DACH2: variants seen among roughly 807,000 people sequenced by gnomAD.
DACH2 encodes the protein dachshund homolog 2.
Under a neutral mutation model 35.8 loss-of-function variants are expected in DACH2, and 17 were observed. The ratio of observed to expected loss-of-function variants is 0.48; its 90% CI spans 0.33 to 0.71. The LOEUF is 0.71. DACH2 is among the 30% of genes least tolerant of loss of function. The probability of loss-of-function intolerance (pLI) is 0.02; values close to 1 mark genes in which losing one functional copy is unlikely to be tolerated. For missense variants in DACH2, 469 were observed against 472.7 expected, an observed-to-expected ratio of 0.99 and a Z score of 0.07; for synonymous variants, 195 against 177.3, an observed-to-expected ratio of 1.10 and a Z score of -0.79.
At chrX:86,149,154 G>T in intron 1 of DACH2, 46 bp downstream of exon 1, 3 of 1,139,044 alleles carry the variant, frequency 2.6e-6, no homozygotes, top group Non-Finnish European at 3.5e-6. Flanking sequence ...TACCCCTTTG[G>T]CCTCTTCTGC....
intron 1 of DACH2, among the ~76,000 whole-genome samples, chrX:86,283,589 G>T (rs1208425295): frequency 9.0e-6 from 1 of 110,505 alleles, no homozygotes; most frequent in Non-Finnish European, 1.9e-5. Flanking sequence ...GGAGATGGAT[G>T]AAGCTGGAAA....
At chrX:86,740,527 C>T (rs1353950776) in intron 7 of DACH2, among the ~76,000 whole-genome samples, 2 of 81,171 alleles carry the variant, frequency 2.5e-5, no homozygotes, top group Admixed American at 1.5e-4. Context: ...CAACAGTCCC[C>T]GGAGTATGAT....
intron 3 of DACH2, among the ~76,000 whole-genome samples, chrX:86,646,869 T>G (rs2040421632): frequency 9.2e-6 from 1 of 108,785 alleles, no homozygotes; most frequent in Non-Finnish European, 1.9e-5. Flanking sequence ...GAGCTGAAAA[T>G]ATTTTTTTTC....
At chrX:86,266,603 A>G (rs2033717457) in intron 1 of DACH2, among the ~76,000 whole-genome samples, 2 of 111,769 alleles carry the variant, frequency 1.8e-5, no homozygotes, top group Admixed American at 1.9e-4. Context: ...AGGCAGCATA[A>G]TCTAATAGTT....
At chrX:86,450,050 C>A (rs1477359520) in intron 2 of DACH2, among the ~76,000 whole-genome samples, 1 of 111,002 alleles carries the variant, frequency 9.0e-6, no homozygotes, top group Non-Finnish European at 1.9e-5. Context: ...TAGTATCTAC[C>A]TTTTATGTCT....
intron 4 of DACH2, among the ~76,000 whole-genome samples, chrX:86,675,478 A>T (rs1385641160): frequency 1.8e-5 from 2 of 111,466 alleles, no homozygotes; most frequent in East Asian, 5.7e-4. Flanking sequence ...TGAACCCAGG[A>T]GTTCAAGACC....
intron 3 of DACH2, among the ~76,000 whole-genome samples, chrX:86,637,624 G>A (rs1377270075): frequency 6.3e-5 from 7 of 111,610 alleles, no homozygotes; most frequent in Admixed American, 9.6e-5. Context: ...TAATGCAGGA[G>A]CAGAAAAGCA....
At chrX:86,633,953 G>A (rs1347496692) in intron 3 of DACH2, among the ~76,000 whole-genome samples, 1 of 112,146 alleles carries the variant, frequency 8.9e-6, no homozygotes, top group African/African-American at 3.2e-5. Flanking sequence ...CTCAACAAAT[G>A]AGACTGGGTA....
chrX:86,650,886 C>T, intron 3 of DACH2, 150 bp from the exon 4 acceptor site: 1 of 439,064 alleles, frequency 2.3e-6, no homozygotes, highest in Non-Finnish European at 3.5e-6. Flanking sequence ...AGAAATGATC[C>T]CCATTTTACA....
chrX:86,729,490 T>C, intron 6 of DACH2, among the ~76,000 whole-genome samples: 1 of 111,805 alleles, frequency 8.9e-6, no homozygotes, highest in Non-Finnish European at 1.9e-5. Flanking sequence ...AAACCAAGAC[T>C]TTTGGGGACT....
At chrX:86,703,978 A>G (rs1166673976) in intron 5 of DACH2, among the ~76,000 whole-genome samples, 1 of 112,209 alleles carries the variant, frequency 8.9e-6, no homozygotes, top group Non-Finnish European at 1.9e-5. Flanking sequence ...GGAAGAAAAA[A>G]ATTGGCCTGA....
At chrX:86,435,378 T>C (rs1183863691) in intron 2 of DACH2, among the ~76,000 whole-genome samples, 1 of 112,187 alleles carries the variant, frequency 8.9e-6, no homozygotes, top group Non-Finnish European at 1.9e-5. Flanking sequence ...CAGCCGCTTA[T>C]ATTGAAAACC....
intron 3 of DACH2, among the ~76,000 whole-genome samples, chrX:86,619,947 GA>G (rs768444056): frequency 4.5e-5 from 5 of 111,822 alleles, no homozygotes; most frequent in African/African-American, 6.5e-5. Flanking sequence ...TTTTTCCTGG[GA>G]AAAAAATTAC....
chrX:86,177,864 C>T (rs1312989225), intron 1 of DACH2, among the ~76,000 whole-genome samples: 1 of 110,670 alleles, frequency 9.0e-6, no homozygotes, highest in Non-Finnish European at 1.9e-5. Flanking sequence ...CATTGAAAAG[C>T]GATATATGTA....
chrX:86,742,599 G>T, intron 7 of DACH2: 1 of 198,194 alleles, frequency 5.0e-6, no homozygotes, highest in Admixed American at 5.7e-5. Flanking sequence ...TTTTTTCTGG[G>T]TATTTCACAT....
At chrX:86,516,342 AT>A (rs2038466970) in intron 3 of DACH2, among the ~76,000 whole-genome samples, 1 of 111,618 alleles carries the variant, frequency 9.0e-6, no homozygotes, top group African/African-American at 3.3e-5. Context: ...GAAGAAAAGA[AT>A]TTTAAAATTG....
chrX:86,195,432 C>T (rs1042458971), intron 1 of DACH2, among the ~76,000 whole-genome samples: 1 of 111,523 alleles, frequency 9.0e-6, no homozygotes, highest in Admixed American at 9.5e-5. Flanking sequence ...AGCACCCAGT[C>T]CCTGTTCCAA....
intron 4 of DACH2, among the ~76,000 whole-genome samples, chrX:86,669,825 T>G (rs2040743145): frequency 9.0e-6 from 1 of 111,269 alleles, no homozygotes; most frequent in Non-Finnish European, 1.9e-5. Context: ...CTGCTCACAC[T>G]GCCAAGCAGT....
intron 4 of DACH2, among the ~76,000 whole-genome samples, chrX:86,685,360 A>C (rs1244360160): frequency 8.9e-6 from 1 of 112,121 alleles, no homozygotes; most frequent in Non-Finnish European, 1.9e-5. Context: ...GTGATGGTTC[A>C]TATCTTAAAT....
Sources: allele counts gnomAD v4.1 joint callset (sites outside exome capture counted in the v4.1 genomes callset), GRCh38; gene constraint gnomAD v4.1.1; transcripts MANE v1.5; gene names NCBI Gene and HGNC (gene_info 2026-07-23, HGNC 2026-07-21).